Variants in ADARB1 observed in about 807,000 individuals in gnomAD.
The protein encoded by ADARB1 is double-stranded RNA-specific editase 1.
In ADARB1, 10 loss-of-function variants were observed where a neutral mutation model predicts 52.4. That is an observed-to-expected ratio of 0.19 (90% CI 0.12 to 0.32). The LOEUF is 0.32. ADARB1 is among the 10% of genes least tolerant of loss of function. The pLI is 1.00. For missense variants in ADARB1, 643 were observed against 922.3 expected, an observed-to-expected ratio of 0.70 and a Z score of 3.92; for synonymous variants, 349 against 371.1, an observed-to-expected ratio of 0.94 and a Z score of 0.68.
At chr21:45,149,152 G>A (rs999885742) in intron 2 of ADARB1, among the ~76,000 whole-genome samples, 1 of 152,248 alleles carries the variant, frequency 6.6e-6, no homozygotes, top group African/African-American at 2.4e-5. Flanking sequence ...ATCAGCCTCT[G>A]CTGGCTCCTG....
intron 1 of ADARB1, among the ~76,000 whole-genome samples, chr21:45,075,225 A>G (rs1257551488): frequency 1.3e-5 from 2 of 148,268 alleles, no homozygotes; most frequent in African/African-American, 2.5e-5. Flanking sequence ...TGCCCCGGGT[A>G]CAAGGTTGCG....
chr21:45,153,906 G>A (rs1407877324), intron 2 of ADARB1, among the ~76,000 whole-genome samples: 1 of 152,198 alleles, frequency 6.6e-6, no homozygotes, highest in Admixed American at 6.5e-5. Context: ...TGGAAATTGA[G>A]ATGTCACTAA....
chr21:45,147,476 C>G (rs530367550), intron 2 of ADARB1, among the ~76,000 whole-genome samples: 4 of 152,302 alleles, frequency 2.6e-5, no homozygotes, highest in South Asian at 4.1e-4. Flanking sequence ...TGCACAGATG[C>G]GTGCTTAGGT....
At chr21:45,113,116 A>G (rs1208062779) in intron 1 of ADARB1, among the ~76,000 whole-genome samples, 1 of 152,152 alleles carries the variant, frequency 6.6e-6, no homozygotes, top group African/African-American at 2.4e-5. Context: ...AAAATGTGAT[A>G]GTGAATTTTA....
intron 1 of ADARB1, among the ~76,000 whole-genome samples, chr21:45,096,537 C>G (rs1400604985): frequency 6.6e-6 from 1 of 152,208 alleles, no homozygotes; most frequent in African/African-American, 2.4e-5. Flanking sequence ...TCTCCTTTCC[C>G]TTTAGTGTTT....
chr21:45,105,563 C>CTG (rs2087211620), intron 1 of ADARB1, among the ~76,000 whole-genome samples: 1 of 152,178 alleles, frequency 6.6e-6, no homozygotes, highest in Non-Finnish European at 1.5e-5. Flanking sequence ...TCACAGTTAA[C>CTG]TGAATATATT....
intron 1 of ADARB1, among the ~76,000 whole-genome samples, chr21:45,113,098 T>TG (rs2087619881): frequency 6.6e-6 from 1 of 152,160 alleles, no homozygotes; most frequent in Non-Finnish European, 1.5e-5. Flanking sequence ...AGGGATATTT[T>TG]GGGGACTAAA....
At chr21:45,214,694 T>G (rs1412796033) in intron 9 of ADARB1, among the ~76,000 whole-genome samples, 1 of 152,234 alleles carries the variant, frequency 6.6e-6, no homozygotes, top group African/African-American at 2.4e-5. Context: ...CATGTATATA[T>G]ACATGTGGGT....
chr21:45,164,554 T>A (rs1033530508), intron 2 of ADARB1, among the ~76,000 whole-genome samples: 106 of 144,408 alleles, frequency 7.3e-4, no homozygotes, highest in African/African-American at 2.6e-3. Flanking sequence ...GTGGGGTGGG[T>A]TGGTGCCGTG....
At chr21:45,133,117 G>A (rs539274731) in intron 2 of ADARB1, among the ~76,000 whole-genome samples, 3 of 152,222 alleles carry the variant, frequency 2.0e-5, no homozygotes, top group Non-Finnish European at 4.4e-5. Context: ...GACAGTTGTC[G>A]AAGGGGTGTC....
chr21:45,109,282 G>A (rs1241121244), intron 1 of ADARB1, among the ~76,000 whole-genome samples: 10 of 151,938 alleles, frequency 6.6e-5, no homozygotes, highest in Admixed American at 3.9e-4. Flanking sequence ...GCGCGTGTGC[G>A]CGCTTGTGCA....
At chr21:45,121,338 C>T (rs2088171656) in intron 1 of ADARB1, among the ~76,000 whole-genome samples, 1 of 152,208 alleles carries the variant, frequency 6.6e-6, no homozygotes, top group African/African-American at 2.4e-5. Context: ...GTGAAAACAT[C>T]TTTATTCTTA....
Position 45,223,195 on chromosome 21 carries a change from TA to T in ADARB1, c.*999del, listed in dbSNP as rs539666695. On this transcript the variant is annotated 3_prime_UTR_variant, in exon 11 of 11. Coordinates refer to ENST00000348831, the MANE Select transcript of ADARB1 (RefSeq NM_001112.4). ...CAGGATGGAAGTAGAATGATTTCAGTAGATACTCATTCTTGGAAAATGCCAT... is the reference window on the plus strand; with the variant it reads ...CAGGATGGAAGTAGAATGATTTCAGTGATACTCATTCTTGGAAAATGCCAT... 469 of 985,394 alleles carry T rather than the reference TA, an allele frequency of 4.8e-4. 1 individual carries two copies. In the African/African-American group the frequency reaches 7.7e-3, roughly 16 times the overall value. 61.0% of individuals were successfully genotyped at this position (985,394 alleles called of 1,614,324 possible). A position where few individuals can be genotyped will look rare whatever the true frequency, so the allele number is the denominator to read the frequency against.
rs999304817 is a variant in ADARB1, at chr21:45,223,834, G to A, written c.*1637G>A. The A allele has an allele frequency of 1.5e-5, 15 of 985,258 alleles. No individual in the cohort carries two copies. Among genetic ancestry groups the A allele is most frequent in the South Asian group, 9.4e-5 (2 of 21,286 alleles). 61.0% of individuals were successfully genotyped at this position (985,258 alleles called of 1,614,324 possible). On this transcript the variant is annotated 3_prime_UTR_variant, in exon 11 of 11. Transcript: ENST00000348831. The stretch of plus-strand genomic sequence containing the variant: ...CACGTGTGTCCACACAGATCTCGTC[G>A]CAGCACGGCAGGAAGGGGTGCTGCT...
chr21:45,167,696 G>A (rs941140711), intron 2 of ADARB1, among the ~76,000 whole-genome samples: 8 of 152,100 alleles, frequency 5.3e-5, no homozygotes, highest in Non-Finnish European at 1.2e-4. Context: ...GCAGTGAGCC[G>A]AGATAGCGCC....
intron 1 of ADARB1, among the ~76,000 whole-genome samples, chr21:45,093,754 G>A (rs941223031): frequency 6.6e-6 from 1 of 152,126 alleles, no homozygotes; most frequent in Admixed American, 6.5e-5. Context: ...TGATGCTTCC[G>A]GCCAAGGGCT....
chr21:45,172,351 A>C lies in ADARB1; in HGVS notation c.28+667A>C, dbSNP rs2091518683. The stretch of plus-strand genomic sequence containing the variant: ...GAAGTTGGGAGAGTTTAGTAGAGAA[A>C]TTACAACAAAGGCATCATTGCTCTA... On this transcript the variant is annotated intron_variant, in intron 3 of 10. Transcript: ENST00000348831. This position sits in a 1 kb window ranked among gnomAD's most constrained non-coding sequence, Gnocchi z 4.4. Among the ~76,000 whole-genome samples the C allele has an allele frequency of 6.6e-6, 1 of 152,168 alleles. No individual in the cohort carries two copies. The highest frequency in any genetic ancestry group is 6.5e-5 in the Admixed American group (1 of 15,286).
chr21:45,094,904 G>A (rs1430484855), intron 1 of ADARB1, among the ~76,000 whole-genome samples: 1 of 152,138 alleles, frequency 6.6e-6, no homozygotes, highest in East Asian at 1.9e-4. Context: ...ACTGAGAGGC[G>A]AGGTTTGCAC....
intron 1 of ADARB1, among the ~76,000 whole-genome samples, chr21:45,126,576 C>T (rs936854035): frequency 2.6e-5 from 4 of 152,324 alleles, no homozygotes; most frequent in Non-Finnish European, 5.9e-5. Flanking sequence ...GTCCTGTCCT[C>T]ATAGGAGCAA....
Sources: allele counts gnomAD v4.1 joint callset (sites outside exome capture counted in the v4.1 genomes callset), GRCh38; gene constraint gnomAD v4.1.1; non-coding constraint Gnocchi (gnomAD v3.1); transcripts MANE v1.5; gene names NCBI Gene and HGNC (gene_info 2026-07-23, HGNC 2026-07-21).